Variants in TRMT13 observed in about 807,000 individuals in gnomAD.
TRMT13 encodes the protein tRNA methyltransferase 13.
Under a neutral mutation model 55.9 loss-of-function variants are expected in TRMT13, and 45 were observed. That is an observed-to-expected ratio of 0.80 (90% CI 0.63 to 1.03). The LOEUF (loss-of-function observed/expected upper bound fraction) is 1.03. Ranked by LOEUF, TRMT13 falls within the 50% of genes least tolerant of loss-of-function variation. TRMT13 has a pLI of 0.00. For synonymous variants in TRMT13, 183 were observed against 196.3 expected, an observed-to-expected ratio of 0.93 and a Z score of 0.57; for missense variants, 513 against 563.9, an observed-to-expected ratio of 0.91 and a Z score of 0.91.
Position 100,149,206 on chromosome 1 carries a change from C to A in TRMT13, c.*386C>A. On this transcript the variant is annotated 3_prime_UTR_variant, in exon 11 of 11. Coordinates refer to ENST00000370141, the MANE Select transcript of TRMT13 (RefSeq NM_019083.3). ...TTTAATATTTTTTATTTCTTAAGTTCAAGAGGTAGTGATTGATTGTAACAA... is the reference window on the plus strand; with the variant it reads ...TTTAATATTTTTTATTTCTTAAGTTAAAGAGGTAGTGATTGATTGTAACAA... 6.7e-7 allele frequency: 1 copy of A among 1,489,384 alleles called. No homozygotes were observed. Among genetic ancestry groups the A allele is most frequent in the South Asian group, 1.4e-5 (1 of 72,496 alleles). 92.3% of individuals were successfully genotyped at this position (1,489,384 alleles called of 1,614,324 possible).
rs887522027 is a variant in TRMT13, at chr1:100,139,716, G to A, written c.324+5G>A. 4 of 1,469,914 alleles carry A rather than the reference G, an allele frequency of 2.7e-6. No individual in the cohort carries two copies. Among genetic ancestry groups the A allele is most frequent in the Non-Finnish European group, 3.8e-6 (4 of 1,058,334 alleles). The allele number at this position is 1,469,914 out of a possible 1,614,324, so 91.1% of individuals were successfully genotyped here. On this transcript the variant is annotated splice_donor_5th_base_variant and intron_variant, in intron 4 of 10. Coordinates refer to ENST00000370141, the MANE Select transcript of TRMT13 (RefSeq NM_019083.3). The stretch of plus-strand genomic sequence containing the variant: ...ACAGAAATACCTGAACAATTAGTAA[G>A]TACATTGACTTAATATTTAATTTTA...
chr1:100,148,311 C>T lies in TRMT13; in HGVS notation c.1235C>T (p.Ala412Val). The change falls in exon 10 of 11, where the codon GCT becomes GTT. Residue 412 changes from alanine to valine, a missense_variant. Around this residue, in one of 3 missense-constraint regions of TRMT13, gnomAD observed 209 missense variants for 255.8 expected, o/e 0.82. Transcript: ENST00000370141. ...GGATACAGAATCACAGATGATGGCG[C>T]TGATTGTTTGCCTGGGTAAGAGACT... is the stretch of plus-strand genomic sequence containing the variant. Reference protein sequence around the residue: ...DGGYRITDDGADCLPGLLSVE... With the variant: ...DGGYRITDDGVDCLPGLLSVE... 6.2e-7 allele frequency: 1 copy of T among 1,612,814 alleles called. No homozygotes were observed. Among genetic ancestry groups the T allele is most frequent in the Non-Finnish European group, 8.5e-7 (1 of 1,179,248 alleles).
chr1:100,133,197 C>T lies in TRMT13; in HGVS notation c.29C>T (p.Ala10Val), dbSNP rs758094259. ...GCGACCTCCGCGACGTCGCCGCACG[C>T]GCCTGGTTTTCCAGCTGAGGGTAGA... MATSATSPH[A>V]PGFPAEGRCG... Residue 10 changes from alanine to valine, a missense_variant, in exon 1 of 11, where the codon GCG becomes GTG. Physicochemically the swap from Ala to Val is moderately conservative, Grantham distance 64 (BLOSUM62 0). This residue lies in a region of TRMT13 where 298 missense variants were observed against 290.3 expected (regional missense o/e 1.03). Transcript: ENST00000370141. The T allele has an allele frequency of 1.4e-5, 23 of 1,613,990 alleles. No homozygotes were observed. The highest frequency in any genetic ancestry group is 1.4e-5 in the Non-Finnish European group (16 of 1,180,030).
intron 1 of TRMT13, among the ~76,000 whole-genome samples, chr1:100,134,798 A>G (rs1053923066): frequency 6.6e-6 from 1 of 152,234 alleles, no homozygotes; most frequent in Non-Finnish European, 1.5e-5. Flanking sequence ...TAGTATTCCT[A>G]TAGAGGAACG....
At position 100,140,953 on chromosome 1, in the gene TRMT13, T is replaced by TA; in HGVS notation, c.604dup (p.Ile202AsnfsTer7). On this transcript the variant is annotated frameshift_variant, in exon 7 of 11. Coordinates refer to ENST00000370141, the MANE Select transcript of TRMT13 (RefSeq NM_019083.3). LOFTEE classifies it high-confidence loss of function. ...AGGGAAAATTATCTCATTGGGTTGA[T>TA]ATTGCCTTAAAAGATGCTGAAAAAG... The TA allele has an allele frequency of 3.1e-6, 5 of 1,613,838 alleles. No homozygotes were observed. Among genetic ancestry groups the TA allele is most frequent in the Non-Finnish European group, 4.2e-6 (5 of 1,179,852 alleles).
Position 100,148,015 on chromosome 1 carries a change from G to A in TRMT13, c.939G>A (p.Lys313=), listed in dbSNP as rs1305181872. Residue 313 remains lysine (K), a synonymous_variant, in exon 10 of 11, where the codon AAG becomes AAA. Coordinates refer to ENST00000370141, the MANE Select transcript of TRMT13 (RefSeq NM_019083.3). ...AAAAAGAAATTTACACTTTGGCCAA[G>A]GAAGGAAATGAAAAAAATGTCCCAG... The part of the protein sequence containing the change: ...KTEKEIYTLA[K]EGNEKNVPEK... 1.9e-6 allele frequency: 3 copies of A among 1,613,978 alleles called. No homozygotes were observed. Among genetic ancestry groups the A allele is most frequent in the Admixed American group, 1.7e-5 (1 of 59,984 alleles).
Position 100,149,480 on chromosome 1 carries a change from G to A in TRMT13, c.*660G>A. ...ATTATTTCACTTAATTATTTTGTTG[G>A]ATAATTGTCTAGTTAGAACTTCCAA... On this transcript the variant is annotated 3_prime_UTR_variant, in exon 11 of 11. Transcript: ENST00000370141. 6.7e-7 allele frequency: 1 copy of A among 1,500,472 alleles called. No homozygotes were observed. The highest frequency in any genetic ancestry group is 9.0e-7 in the Non-Finnish European group (1 of 1,116,292). 92.9% of individuals were successfully genotyped at this position (1,500,472 alleles called of 1,614,324 possible).
intron 1 of TRMT13, among the ~76,000 whole-genome samples, chr1:100,136,581 A>G (rs1488188655): frequency 6.6e-6 from 1 of 152,212 alleles, no homozygotes; most frequent in African/African-American, 2.4e-5. Flanking sequence ...TAAAATAGTC[A>G]TACATATAAT....
At position 100,137,103 on chromosome 1, in the gene TRMT13, A is replaced by G. The variant is rs1210303787; in HGVS notation, c.261+18A>G. On this transcript the variant is annotated intron_variant, in intron 3 of 10. Transcript: ENST00000370141. Reference sequence around the variant, plus strand: ...CAAAACCTGTAAGTGTTTGATCAGTAAAATTGAATGGTGAAATGTGGTATG... The same window carrying G: ...CAAAACCTGTAAGTGTTTGATCAGTGAAATTGAATGGTGAAATGTGGTATG... The G allele has an allele frequency of 4.4e-6, 7 of 1,597,932 alleles. No homozygotes were observed. Among genetic ancestry groups the G allele is most frequent in the African/African-American group, 1.3e-5 (1 of 74,272 alleles).
Position 100,141,038 on chromosome 1 carries a change from C to CT in TRMT13, c.669+20dup, listed in dbSNP as rs1480916518. The CT allele has an allele frequency of 6.3e-7, 1 of 1,584,566 alleles. No homozygotes were observed. The highest frequency in any genetic ancestry group is 8.6e-7 in the Non-Finnish European group (1 of 1,165,968). ...ATTCAAGGTAAGTGAAACCATTGCT[C>CT]TGTGTTAGTAACCAAACTTGTTTTC... On this transcript the variant is annotated intron_variant, in intron 7 of 10. Coordinates refer to ENST00000370141, the MANE Select transcript of TRMT13 (RefSeq NM_019083.3).
Position 100,140,874 on chromosome 1 carries a change from A to C in TRMT13, c.524A>C (p.Glu175Ala). 6.2e-7 allele frequency: 1 copy of C among 1,613,200 alleles called. No homozygotes were observed. Among genetic ancestry groups the C allele is most frequent in the South Asian group, 1.1e-5 (1 of 90,966 alleles). The change falls in exon 7 of 11, where the codon GAA (glutamate) becomes GCA (alanine). Residue 175 changes from glutamate to alanine, a missense_variant. Glu to Ala is a moderately radical substitution (Grantham distance 107). Transcript: ENST00000370141. The part of the protein sequence containing the change: ...KQQASILGNI[E>A]NLKLLGPRRC... The stretch of plus-strand genomic sequence containing the variant: ...CAGGCTTCTATTTTAGGTAACATTG[A>C]AAATTTAAAGTTACTTGGTCCAAGA...
At position 100,133,364 on chromosome 1, in the gene TRMT13, C is replaced by T. The variant is rs768222382; in HGVS notation, c.147+49C>T. ...AAGAGTCGGAAATAAGTATCCTGGT[C>T]CTGTCGGTGCTGGAACCCGGCCCCT... On this transcript the variant is annotated intron_variant, in intron 1 of 10. Coordinates refer to ENST00000370141, the MANE Select transcript of TRMT13 (RefSeq NM_019083.3). 3.2e-6 allele frequency: 5 copies of T among 1,582,178 alleles called. No individual in the cohort carries two copies. In the Admixed American group the frequency reaches 9.1e-5, roughly 29 times the overall value.
At position 100,148,970 on chromosome 1, in the gene TRMT13, T is replaced by C. The variant is rs1274774865; in HGVS notation, c.*150T>C. The C allele has an allele frequency of 1.5e-6, 2 of 1,368,432 alleles. No individual in the cohort carries two copies. The highest frequency in any genetic ancestry group is 3.0e-5 in the African/African-American group (2 of 66,482). 84.8% of individuals were successfully genotyped at this position (1,368,432 alleles called of 1,614,324 possible). ...ATTAAACTTTGGTAATAGCTTTTCT[T>C]TTTACTTCAGAAATCCAAACATTAG... On this transcript the variant is annotated 3_prime_UTR_variant, in exon 11 of 11. Coordinates refer to ENST00000370141, the MANE Select transcript of TRMT13 (RefSeq NM_019083.3).
chr1:100,137,933 G>C (rs977689419), intron 3 of TRMT13, among the ~76,000 whole-genome samples: 3 of 152,168 alleles, frequency 2.0e-5, no homozygotes, highest in Non-Finnish European at 4.4e-5. Flanking sequence ...TAGAAAGAGA[G>C]AACATTGGCT....
Position 100,149,539 on chromosome 1 carries a change from A to T in TRMT13, c.*719A>T. The T allele has an allele frequency of 2.6e-6, 3 of 1,166,492 alleles. No homozygotes were observed. Among genetic ancestry groups the T allele is most frequent in the Non-Finnish European group, 3.5e-6 (3 of 846,250 alleles). The allele number at this position is 1,166,492 out of a possible 1,614,324, so 72.3% of individuals were successfully genotyped here. On this transcript the variant is annotated 3_prime_UTR_variant, in exon 11 of 11. Coordinates refer to ENST00000370141, the MANE Select transcript of TRMT13 (RefSeq NM_019083.3). ...TTACAAACATAATTCACAAATTTGA[A>T]ATAATTTCTGAAGTTGATTAGCTAT...
chr1:100,144,182 A>G (rs1327883909), intron 9 of TRMT13, 39 bp downstream of exon 9: 8 of 1,558,586 alleles, frequency 5.1e-6, no homozygotes, highest in Middle Eastern at 1.7e-4. Flanking sequence ...TTAATGCATT[A>G]AGTTTTGGCC....
rs375861468 is a variant in TRMT13, at chr1:100,149,118, C to G, written c.*298C>G. On this transcript the variant is annotated 3_prime_UTR_variant, in exon 11 of 11. Transcript: ENST00000370141. ...GTGATCTGAAACATACATAACATGT[C>G]AACACATAATTAGCGTATTTCTGTT... 1.7e-5 allele frequency: 27 copies of G among 1,585,964 alleles called. No individual in the cohort carries two copies. In the African/African-American group the frequency reaches 3.1e-4, roughly 18 times the overall value.
In TRMT13 at chr1:100,149,632, T is replaced by G. The variant is rs72973705; in HGVS notation, c.*812T>G. 3.4e-4 allele frequency: 146 copies of G among 426,312 alleles called. No homozygotes were observed. Among genetic ancestry groups the G allele is most frequent in the African/African-American group, 2.9e-3 (136 of 47,702 alleles). 26.4% of individuals were successfully genotyped at this position (426,312 alleles called of 1,614,324 possible). ...AACAATAAGTATGTTCTCTTCTGTT[T>G]GGGAAAATAATTTGGAATAAAATAG... On this transcript the variant is annotated 3_prime_UTR_variant, in exon 11 of 11. Coordinates refer to ENST00000370141, the MANE Select transcript of TRMT13 (RefSeq NM_019083.3).
chr1:100,149,345 A>G lies in TRMT13; in HGVS notation c.*525A>G, dbSNP rs1417507627. 6 of 1,541,708 alleles carry G rather than the reference A, an allele frequency of 3.9e-6. No individual in the cohort carries two copies. In the African/African-American group the frequency reaches 8.3e-5, roughly 21 times the overall value. ...TCAGAGATATTCACAATTAATAAAC[A>G]CAATTAATTAATGAAGTCACCTTCA... On this transcript the variant is annotated 3_prime_UTR_variant, in exon 11 of 11. Coordinates refer to ENST00000370141, the MANE Select transcript of TRMT13 (RefSeq NM_019083.3).
Sources: allele counts gnomAD v4.1 joint callset (sites outside exome capture counted in the v4.1 genomes callset), GRCh38; gene constraint gnomAD v4.1.1; regional missense constraint gnomAD v4.1.1; transcripts MANE v1.5; gene names NCBI Gene and HGNC (gene_info 2026-07-23, HGNC 2026-07-21).